CYTH3: variants seen among roughly 807,000 people sequenced by gnomAD.
The protein encoded by CYTH3 is cytohesin-3.
Under a neutral mutation model 55.1 loss-of-function variants are expected in CYTH3, and 23 were observed. The ratio of observed to expected loss-of-function variants is 0.42; its 90% CI spans 0.30 to 0.59. The LOEUF (loss-of-function observed/expected upper bound fraction) is 0.59, where lower values mean the gene tolerates loss of function less well. CYTH3 is among the 20% of genes least tolerant of loss of function. The pLI is 0.20. For synonymous variants in CYTH3, 249 were observed against 194.9 expected, an observed-to-expected ratio of 1.28 and a Z score of -2.31; for missense variants, 413 against 524.8, an observed-to-expected ratio of 0.79 and a Z score of 2.08.
Position 6,259,772 on chromosome 7 carries a change from T to TATATAATA in CYTH3, c.34+12701_34+12702insTATTATAT, listed in dbSNP as rs1491219669. Among the ~76,000 whole-genome samples, 49 of 30,502 alleles carry TATATAATA rather than the reference T, an allele frequency of 1.6e-3. 1 individual carries two copies. Among genetic ancestry groups the TATATAATA allele is most frequent in the South Asian group, 4.1e-3 (4 of 974 alleles). 20.0% of individuals were successfully genotyped at this position (30,502 alleles called of 152,430 possible). ...TATATATATATTATATATATATATA[T>TATATAATA]TATATATATATAATATATATATATA... is the stretch of plus-strand genomic sequence containing the variant. On this transcript the variant is annotated intron_variant, in intron 1 of 12. Coordinates refer to ENST00000350796, the MANE Select transcript of CYTH3 (RefSeq NM_004227.4).
chr7:6,254,083 G>A (rs1403123360), intron 1 of CYTH3, among the ~76,000 whole-genome samples: 1 of 152,126 alleles, frequency 6.6e-6, no homozygotes, highest in Non-Finnish European at 1.5e-5. Context: ...TCAGGAGGGT[G>A]AGGCAGGAGA....
chr7:6,203,705 A>G (rs1489184617), intron 1 of CYTH3, among the ~76,000 whole-genome samples: 1 of 151,698 alleles, frequency 6.6e-6, no homozygotes, highest in Non-Finnish European at 1.5e-5. Flanking sequence ...TGACCAACTT[A>G]CTGTACTCAT....
At chr7:6,232,358 T>C (rs545273644) in intron 1 of CYTH3, among the ~76,000 whole-genome samples, 1 of 152,318 alleles carries the variant, frequency 6.6e-6, no homozygotes, top group Non-Finnish European at 1.5e-5. Flanking sequence ...GGAGATGCTC[T>C]ACCCGGCACT....
chr7:6,172,446 C>G (rs958365900), intron 6 of CYTH3, among the ~76,000 whole-genome samples: 1 of 152,096 alleles, frequency 6.6e-6, no homozygotes, highest in Non-Finnish European at 1.5e-5. Flanking sequence ...GCCCACCCCA[C>G]AGCAGTGATG....
At chr7:6,252,563 T>C (rs1447937914) in intron 1 of CYTH3, among the ~76,000 whole-genome samples, 3 of 152,160 alleles carry the variant, frequency 2.0e-5, no homozygotes, top group Admixed American at 6.6e-5. Context: ...TGCCCTTTCC[T>C]TTATTGGCTT....
intron 1 of CYTH3, among the ~76,000 whole-genome samples, chr7:6,209,930 G>C (rs1784286084): frequency 6.6e-6 from 1 of 152,186 alleles, no homozygotes; most frequent in African/African-American, 2.4e-5. Flanking sequence ...ACAACAGAAG[G>C]ATCAGTGGTT....
chr7:6,272,419 C>G, intron 1 of CYTH3, 55 bp downstream of exon 1: 2 of 584,452 alleles, frequency 3.4e-6, no homozygotes, highest in Non-Finnish European at 5.4e-6. Context: ...CGACCCCCAG[C>G]CCCCGGCCCC....
Position 6,272,599 on chromosome 7 carries a change from G to T in CYTH3, c.-92C>A. 11 of 1,015,856 alleles carry T rather than the reference G, an allele frequency of 1.1e-5. No homozygotes were observed. The highest frequency in any genetic ancestry group is 5.8e-5 in the East Asian group (1 of 17,202). The allele number at this position is 1,015,856 out of a possible 1,614,324, so 62.9% of individuals were successfully genotyped here. On this transcript the variant is annotated 5_prime_UTR_variant, in exon 1 of 13. Transcript: ENST00000350796. ...CGCCGGAGGGAGCGCGCAGGCGACC[G>T]GGCGGCTCCTCAGCGCGCGGCCCGG...
chr7:6,255,758 G>GCTTTTTT (rs1780084704), intron 1 of CYTH3, among the ~76,000 whole-genome samples: 1 of 89,404 alleles, frequency 1.1e-5, no homozygotes, highest in African/African-American at 4.9e-5. Flanking sequence ...CCTTTAATCT[G>GCTTTTTT]TTTTTTTTTT....
chr7:6,194,321 C>G (rs1344385493), intron 1 of CYTH3, among the ~76,000 whole-genome samples: 1 of 152,196 alleles, frequency 6.6e-6, no homozygotes, highest in African/African-American at 2.4e-5. Flanking sequence ...GGCGTGATGG[C>G]ACGCATCCGT....
chr7:6,188,490 G>A (rs969215394), intron 2 of CYTH3, among the ~76,000 whole-genome samples: 4 of 152,176 alleles, frequency 2.6e-5, no homozygotes, highest in Non-Finnish European at 5.9e-5. Context: ...GAGAAGCTGA[G>A]GCTCGGGTGT....
intron 1 of CYTH3, among the ~76,000 whole-genome samples, chr7:6,204,527 T>C (rs563317159): frequency 6.6e-6 from 1 of 152,296 alleles, no homozygotes; most frequent in East Asian, 1.9e-4. Flanking sequence ...CAGCTTTCTA[T>C]CTAGTGTTCG....
rs551051885 is a variant in CYTH3, at chr7:6,247,666, T to C, written c.34+24808A>G. On this transcript the variant is annotated intron_variant, in intron 1 of 12. Transcript: ENST00000350796. ...CTTTATAATTTTTATTTATTTATTT[T>C]TGAGACAGGGTCTGTCGCCCAGGCT... Among the ~76,000 whole-genome samples, 14 of 152,284 alleles carry C rather than the reference T, an allele frequency of 9.2e-5. No homozygotes were observed. In the South Asian group the frequency reaches 2.3e-3, roughly 25 times the overall value.
At chr7:6,197,526 T>C (rs553703447) in intron 1 of CYTH3, among the ~76,000 whole-genome samples, 6 of 152,112 alleles carry the variant, frequency 3.9e-5, no homozygotes, top group African/African-American at 1.4e-4. Flanking sequence ...CTACTAAAAA[T>C]ACAAAAATTA....
In CYTH3 at chr7:6,162,810, G is replaced by A. The variant is rs191904689; in HGVS notation, c.*2134C>T. Reference sequence around the variant, plus strand: ...CCCAACACCCAAAACAGAAAGCTCTGCATCCCCAGGTCACACCTGGGTTGG... The same window carrying A: ...CCCAACACCCAAAACAGAAAGCTCTACATCCCCAGGTCACACCTGGGTTGG... On this transcript the variant is annotated 3_prime_UTR_variant, in exon 13 of 13. Transcript: ENST00000350796. 7.9e-5 allele frequency: 12 copies of A among 152,692 alleles called. No homozygotes were observed. Among genetic ancestry groups the A allele is most frequent in the Non-Finnish European group, 1.3e-4 (9 of 68,080 alleles). 9.5% of individuals were successfully genotyped at this position (152,692 alleles called of 1,614,324 possible). A position where few individuals can be genotyped will look rare whatever the true frequency, so the allele number is the denominator to read the frequency against.
intron 1 of CYTH3, among the ~76,000 whole-genome samples, chr7:6,265,286 A>G (rs1780459554): frequency 6.6e-6 from 1 of 151,888 alleles, no homozygotes; most frequent in Non-Finnish European, 1.5e-5. Flanking sequence ...TGGCCCACAA[A>G]GCCTATGAGG....
chr7:6,251,499 T>G (rs1779963454), intron 1 of CYTH3, among the ~76,000 whole-genome samples: 1 of 152,034 alleles, frequency 6.6e-6, no homozygotes, highest in Non-Finnish European at 1.5e-5. Context: ...TAGGAAAGGA[T>G]TCTTCAAAAT....
chr7:6,196,490 A>G (rs943974620), intron 1 of CYTH3, among the ~76,000 whole-genome samples: 2 of 55,558 alleles, frequency 3.6e-5, no homozygotes, highest in African/African-American at 9.0e-5. Flanking sequence ...ACGGAATTTC[A>G]TTTTTGTTGC....
chr7:6,241,235 G>A (rs1024030822), intron 1 of CYTH3, among the ~76,000 whole-genome samples: 2 of 152,172 alleles, frequency 1.3e-5, no homozygotes, highest in Admixed American at 1.3e-4. Flanking sequence ...ATGGTGAAGT[G>A]GAAGATAACA....
Sources: allele counts gnomAD v4.1 joint callset (sites outside exome capture counted in the v4.1 genomes callset), GRCh38; gene constraint gnomAD v4.1.1; transcripts MANE v1.5; gene names NCBI Gene and HGNC (gene_info 2026-07-23, HGNC 2026-07-21).